MPP7: variants seen among roughly 807,000 people sequenced by gnomAD.
The protein encoded by MPP7 is MAGUK p55 scaffold protein 7.
MPP7 carries 60 observed loss-of-function variants against 76.5 expected under a neutral mutation model. The ratio of observed to expected loss-of-function variants is 0.78; its 90% CI spans 0.64 to 0.97. MPP7 has a LOEUF of 0.97. MPP7 is among the 50% of genes least tolerant of loss of function. The pLI is 0.00. For synonymous variants in MPP7, 237 were observed against 244.5 expected (o/e 0.97, Z 0.29); for missense variants, 641 against 694.0 (o/e 0.92, Z 0.86).
At position 28,121,026 on chromosome 10, in the gene MPP7, A is replaced by AG. The variant is rs1422996086; in HGVS notation, c.616-359dup. 4.6e-5 allele frequency among the ~76,000 whole-genome samples: 7 copies of AG among 152,322 alleles called. No individual in the cohort carries two copies. The East Asian group carries it at 1.4e-3, about 29-fold the overall frequency. On this transcript the variant is annotated intron_variant, in intron 8 of 16. Coordinates refer to ENST00000683449, the MANE Select transcript of MPP7 (RefSeq NM_001318170.2). ...AATGACTAGAACAGATAATGTATAA[A>AG]GGTCTGGGTGCAGTGGCTCGTGTCT...
At chr10:28,112,753 G>C (rs1330046856) in intron 11 of MPP7, among the ~76,000 whole-genome samples, 1 of 152,152 alleles carries the variant, frequency 6.6e-6, no homozygotes, top group African/African-American at 2.4e-5. Flanking sequence ...CTATGTGGAA[G>C]GCACTGTTCT....
intron 3 of MPP7, among the ~76,000 whole-genome samples, chr10:28,186,575 G>A (rs1412182996): frequency 6.6e-6 from 1 of 152,218 alleles, no homozygotes; most frequent in African/African-American, 2.4e-5. Context: ...ACAATTTGCT[G>A]TGGGAAATGG....
chr10:28,225,171 G>C (rs1838648572), intron 2 of MPP7, among the ~76,000 whole-genome samples: 1 of 152,064 alleles, frequency 6.6e-6, no homozygotes, highest in East Asian at 1.9e-4. Flanking sequence ...ACAAAAATTA[G>C]CTTAAAATGG....
At chr10:28,136,673 CTCAAA>C (rs1835363581) in intron 5 of MPP7, among the ~76,000 whole-genome samples, 1 of 151,950 alleles carries the variant, frequency 6.6e-6, no homozygotes, top group Non-Finnish European at 1.5e-5. Flanking sequence ...ATAAAAATTA[CTCAAA>C]TCAAACTTCT....
At chr10:28,267,488 C>G (rs1345212126) in intron 1 of MPP7, among the ~76,000 whole-genome samples, 1 of 152,018 alleles carries the variant, frequency 6.6e-6, no homozygotes, top group Non-Finnish European at 1.5e-5. Context: ...ATCTCTAATA[C>G]AAAAATCTGA....
At chr10:28,252,310 T>G (rs996310879) in intron 1 of MPP7, among the ~76,000 whole-genome samples, 1 of 152,182 alleles carries the variant, frequency 6.6e-6, no homozygotes, top group Non-Finnish European at 1.5e-5. Context: ...CTTCAAGGAT[T>G]TGGGTAAACG....
intron 3 of MPP7, among the ~76,000 whole-genome samples, chr10:28,164,216 G>C (rs1781833): frequency 0.75 from 113,609 of 152,000 alleles, 42,615 homozygotes; most frequent in Middle Eastern, 0.84. Context: ...TCTGCAGTTT[G>C]AGAAGGGAAG....
chr10:28,185,867 A>C (rs1837219106), intron 3 of MPP7, among the ~76,000 whole-genome samples: 1 of 152,208 alleles, frequency 6.6e-6, no homozygotes, highest in Non-Finnish European at 1.5e-5. Flanking sequence ...CCATGCTGAC[A>C]CTAAGTTTTC....
intron 1 of MPP7, among the ~76,000 whole-genome samples, chr10:28,245,517 G>C (rs1839405457): frequency 6.6e-6 from 1 of 152,084 alleles, no homozygotes; most frequent in Non-Finnish European, 1.5e-5. Flanking sequence ...AAATCAGACA[G>C]ACCTAAGATC....
chr10:28,109,848 C>CAAAAAAAAAAA lies in MPP7; in HGVS notation c.952+9792_952+9802dup, dbSNP rs869206744. Among the ~76,000 whole-genome samples, 53 of 19,206 alleles carry CAAAAAAAAAAA rather than the reference C, an allele frequency of 2.8e-3. 2 individuals carry two copies. Among genetic ancestry groups the CAAAAAAAAAAA allele is most frequent in the African/African-American group, 0.01 (42 of 4,036 alleles). 12.6% of individuals were successfully genotyped at this position (19,206 alleles called of 152,430 possible). On this transcript the variant is annotated intron_variant, in intron 11 of 16. Coordinates refer to ENST00000683449, the MANE Select transcript of MPP7 (RefSeq NM_001318170.2). ...ACAGTTAGAAGGCCAGCCGCAGACGCAAAAAAAAAAAAAAAAAAAAAAAAA... is the reference window on the plus strand; with the variant it reads ...ACAGTTAGAAGGCCAGCCGCAGACGCAAAAAAAAAAAAAAAAAAAAAAAAAAAAAAAAAAAA...
At chr10:28,183,141 T>TAA (rs1837114345) in intron 3 of MPP7, among the ~76,000 whole-genome samples, 2 of 152,174 alleles carry the variant, frequency 1.3e-5, no homozygotes, top group East Asian at 3.8e-4. Context: ...AATATGATTC[T>TAA]ATTTATAAGA....
At chr10:28,060,137 A>G (rs7077881) in intron 13 of MPP7, among the ~76,000 whole-genome samples, 48,149 of 151,524 alleles carry the variant, frequency 0.32, 8,922 homozygotes, top group East Asian at 0.65. Flanking sequence ...AAGTTGTTAG[A>G]TAAACTCTGA....
At chr10:28,176,112 T>C (rs1435600888) in intron 3 of MPP7, among the ~76,000 whole-genome samples, 1 of 152,134 alleles carries the variant, frequency 6.6e-6, no homozygotes, top group Non-Finnish European at 1.5e-5. Flanking sequence ...GGAATTCCTA[T>C]TGGTCACTGT....
chr10:28,274,813 T>G (rs1238305678), intron 1 of MPP7, among the ~76,000 whole-genome samples: 1 of 152,198 alleles, frequency 6.6e-6, no homozygotes, highest in Non-Finnish European at 1.5e-5. Context: ...GGCTTTTTTT[T>G]ATATGCCATC....
At chr10:28,162,051 C>T (rs894730837) in intron 3 of MPP7, among the ~76,000 whole-genome samples, 3 of 152,108 alleles carry the variant, frequency 2.0e-5, no homozygotes, top group African/African-American at 4.8e-5. Context: ...CTCTGAAATC[C>T]GGCTGAAGTT....
intron 12 of MPP7, among the ~76,000 whole-genome samples, chr10:28,085,515 A>T (rs1193947432): frequency 6.6e-6 from 1 of 152,224 alleles, no homozygotes; most frequent in South Asian, 2.1e-4. Flanking sequence ...AAACCTAAGA[A>T]GTTCAAACAG....
chr10:28,158,288 A>G (rs1836137624), intron 3 of MPP7, among the ~76,000 whole-genome samples: 1 of 152,194 alleles, frequency 6.6e-6, no homozygotes, highest in African/African-American at 2.4e-5. Flanking sequence ...AAATGTAACC[A>G]TCAACTATCT....
At position 28,309,530 on chromosome 10, in the gene MPP7, G is replaced by A. The variant is rs889536601; in HGVS notation, c.-132+20399C>T. Among the ~76,000 whole-genome samples the A allele has an allele frequency of 2.6e-5, 4 of 152,172 alleles. No homozygotes were observed. The East Asian group carries it at 5.8e-4, about 22-fold the overall frequency. ...AGAAGGCTACTTTTTCCCTTGGTGAGACCCTCTGTGGGTTCCTTGGAGCAC... is the reference window on the plus strand; with the variant it reads ...AGAAGGCTACTTTTTCCCTTGGTGAAACCCTCTGTGGGTTCCTTGGAGCAC... On this transcript the variant is annotated intron_variant, in intron 2 of 11. Coordinates refer to the MPP7 transcript ENST00000441595.
intron 13 of MPP7, among the ~76,000 whole-genome samples, chr10:28,064,802 G>A (rs891053177): frequency 2.6e-5 from 4 of 152,166 alleles, no homozygotes; most frequent in African/African-American, 9.7e-5. Context: ...TGCACCAAGA[G>A]GTAGTGCTAG....
Sources: allele counts gnomAD v4.1 joint callset (sites outside exome capture counted in the v4.1 genomes callset), GRCh38; gene constraint gnomAD v4.1.1; transcripts MANE v1.5; gene names NCBI Gene and HGNC (gene_info 2026-07-23, HGNC 2026-07-21).